Variants in TBC1D9 observed in about 807,000 individuals in gnomAD.
TBC1D9 encodes the protein TBC1 domain family member 9, also known as TBC1 domain family member 9A.
In TBC1D9, 63 loss-of-function variants were observed where a neutral mutation model predicts 132.0. The ratio of observed to expected loss-of-function variants is 0.48; its 90% CI spans 0.39 to 0.59. The LOEUF (loss-of-function observed/expected upper bound fraction) is 0.59. Ranked by LOEUF, TBC1D9 falls within the 20% of genes least tolerant of loss-of-function variation. The pLI is 0.00. For missense variants in TBC1D9, 1,261 were observed against 1,592.7 expected (o/e 0.79, Z 3.54); for synonymous variants, 610 against 609.9 (o/e 1.00, Z 0.00).
At chr4:140,638,123 G>A (rs2110975200) in intron 15 of TBC1D9, among the ~76,000 whole-genome samples, 1 of 152,224 alleles carries the variant, frequency 6.6e-6, no homozygotes, top group African/African-American at 2.4e-5. Context: ...GAATACCAGT[G>A]TTCTAGTTTT....
chr4:140,723,633 C>T (rs1738455990), intron 1 of TBC1D9, among the ~76,000 whole-genome samples: 1 of 152,128 alleles, frequency 6.6e-6, no homozygotes, highest in African/African-American at 2.4e-5. Flanking sequence ...CATGCCCGGC[C>T]TACTTCCCAG....
At chr4:140,721,725 T>C (rs185732461) in intron 1 of TBC1D9, among the ~76,000 whole-genome samples, 1 of 152,350 alleles carries the variant, frequency 6.6e-6, no homozygotes, top group Admixed American at 6.5e-5. Context: ...CCCATTTGTG[T>C]AACTTCTGGA....
chr4:140,717,838 C>A (rs1738361482), intron 1 of TBC1D9, among the ~76,000 whole-genome samples: 2 of 152,090 alleles, frequency 1.3e-5, no homozygotes, highest in African/African-American at 4.8e-5. Flanking sequence ...CCCCAGGAGC[C>A]CCCCAACTTA....
chr4:140,623,992 A>AT, intron 20 of TBC1D9, 124 bp downstream of exon 20: 1 of 717,588 alleles, frequency 1.4e-6, no homozygotes, highest in Non-Finnish European at 2.2e-6. Context: ...CCAAATGGAT[A>AT]CTAAGTAAAG....
intron 15 of TBC1D9, among the ~76,000 whole-genome samples, chr4:140,634,464 C>T (rs1192214523): frequency 6.6e-6 from 1 of 152,272 alleles, no homozygotes; most frequent in Admixed American, 6.5e-5. Context: ...AACTCTCCCC[C>T]ACCACATTCT....
intron 3 of TBC1D9, among the ~76,000 whole-genome samples, chr4:140,680,978 A>C (rs1039947462): frequency 2.0e-5 from 3 of 152,166 alleles, no homozygotes; most frequent in Non-Finnish European, 4.4e-5. Flanking sequence ...TTAATGTTTT[A>C]ATTTTTATTT....
At chr4:140,666,743 A>AAAAT (rs1553969351) in intron 9 of TBC1D9, among the ~76,000 whole-genome samples, 1 of 152,024 alleles carries the variant, frequency 6.6e-6, no homozygotes, top group Non-Finnish European at 1.5e-5. Flanking sequence ...CTAAAAAAAA[A>AAAAT]AAACCACTGA....
intron 2 of TBC1D9, among the ~76,000 whole-genome samples, chr4:140,690,931 A>G (rs540358519): frequency 3.9e-4 from 60 of 152,328 alleles, no homozygotes; most frequent in Middle Eastern, 3.4e-3. Flanking sequence ...AGCTTTAGGA[A>G]TTGAACTATG....
In TBC1D9 at chr4:140,621,621, T is replaced by C. The variant is rs937753880; in HGVS notation, c.*574A>G. 1 of 152,252 alleles carries C rather than the reference T, an allele frequency of 6.6e-6. No homozygotes were observed. The highest frequency in any genetic ancestry group is 6.5e-5 in the Admixed American group (1 of 15,292). The allele number at this position is 152,252 out of a possible 1,614,324, so 9.4% of individuals were successfully genotyped here. On this transcript the variant is annotated 3_prime_UTR_variant, in exon 21 of 21. Coordinates refer to ENST00000442267, the MANE Select transcript of TBC1D9 (RefSeq NM_015130.3). ...TTTAGAACCCCAAATGTTTTCCCTT[T>C]GAAGGGGAACATCTGTGGAATATGA...
At chr4:140,716,009 A>G (rs185384074) in intron 1 of TBC1D9, 24 of 152,376 alleles carry the variant, frequency 1.6e-4, no homozygotes, top group Admixed American at 2.6e-4. Context: ...GTGCAAAACC[A>G]TGGGTACGGT....
intron 1 of TBC1D9, among the ~76,000 whole-genome samples, chr4:140,729,051 G>A (rs1245840314): frequency 6.6e-6 from 1 of 152,062 alleles, no homozygotes; most frequent in East Asian, 1.9e-4. Context: ...AGATCCTCTT[G>A]GCAATGCTTT....
At chr4:140,701,402 G>C in intron 2 of TBC1D9, 102 bp downstream of exon 2, 3 of 818,066 alleles carry the variant, frequency 3.7e-6, no homozygotes, top group Non-Finnish European at 6.0e-6. Context: ...TAAAATACCA[G>C]TGATTGCATT....
rs759249216 is a variant in TBC1D9 at position 140,756,210 on chromosome 4, G to A, written c.-165C>T. On this transcript the variant is annotated 5_prime_UTR_variant, in exon 1 of 21. Transcript: ENST00000442267. This position sits in a 1 kb window ranked among gnomAD's most constrained non-coding sequence, Gnocchi z 5.6. ...CTTCAGGGGGTGGCCCGCGGCGTCC[G>A]GGCCACAACAAAGCCCCAGCAGGCG... The A allele has an allele frequency of 7.3e-6, 3 of 411,704 alleles. No individual in the cohort carries two copies. The highest frequency in any genetic ancestry group is 6.9e-4 in the Middle Eastern group (1 of 1,458). 25.5% of individuals were successfully genotyped at this position (411,704 alleles called of 1,614,324 possible).
At chr4:140,652,524 G>A (rs1460067651) in intron 13 of TBC1D9, among the ~76,000 whole-genome samples, 8 of 152,066 alleles carry the variant, frequency 5.3e-5, no homozygotes, top group Non-Finnish European at 1.0e-4. Context: ...CATGACCATC[G>A]GTACATCCAT....
intron 6 of TBC1D9, among the ~76,000 whole-genome samples, chr4:140,673,235 C>T (rs1737565694): frequency 6.6e-6 from 1 of 152,146 alleles, no homozygotes; most frequent in Non-Finnish European, 1.5e-5. Context: ...GCAACATGAT[C>T]CTGGATAAAT....
intron 18 of TBC1D9, among the ~76,000 whole-genome samples, chr4:140,626,340 C>T (rs1184246293): frequency 1.3e-5 from 2 of 152,196 alleles, no homozygotes; most frequent in Non-Finnish European, 2.9e-5. Flanking sequence ...CCTGCCTGCA[C>T]TCACCTAGAC....
chr4:140,731,766 A>AT (rs1560899110), intron 1 of TBC1D9, among the ~76,000 whole-genome samples: 1 of 152,102 alleles, frequency 6.6e-6, no homozygotes, highest in Non-Finnish European at 1.5e-5. Flanking sequence ...TGAGGAGCAG[A>AT]TACAATTTTT....
chr4:140,647,239 A>AG (rs1737117087), intron 13 of TBC1D9, among the ~76,000 whole-genome samples: 1 of 152,160 alleles, frequency 6.6e-6, no homozygotes, highest in African/African-American at 2.4e-5. Context: ...CTAGACTGCT[A>AG]CCTCTGTTTT....
chr4:140,703,433 A>G (rs545898740), intron 1 of TBC1D9, among the ~76,000 whole-genome samples: 1 of 152,328 alleles, frequency 6.6e-6, no homozygotes, highest in South Asian at 2.1e-4. Context: ...GCCATAATCT[A>G]GTCAACTCAT....
Sources: gnomAD v4.1 joint callset for allele counts (sites outside exome capture counted in the v4.1 genomes callset) on GRCh38, gnomAD v4.1.1 for gene constraint, Gnocchi (gnomAD v3.1) non-coding constraint, MANE v1.5 for transcripts, NCBI Gene and HGNC (gene_info 2026-07-23, HGNC 2026-07-21) for gene names.